TNS3: variants seen among roughly 807,000 people sequenced by gnomAD.
TNS3 encodes the protein tensin 3.
A neutral mutation model predicts 140.9 loss-of-function variants in TNS3; 45 were observed. The ratio of observed to expected loss-of-function variants is 0.32; its 90% CI spans 0.25 to 0.41. The LOEUF is 0.41. TNS3 is among the 10% of genes least tolerant of loss of function. TNS3 has a pLI of 1.00. For synonymous variants in TNS3, 815 were observed against 788.4 expected, an observed-to-expected ratio of 1.03 and a Z score of -0.56; for missense variants, 1,716 against 1,906.7, an observed-to-expected ratio of 0.90 and a Z score of 1.86.
chr7:47,432,164 G>A lies in TNS3; in HGVS notation c.324+3118C>T, dbSNP rs142940636. Among the ~76,000 whole-genome samples, 441 of 152,284 alleles carry A rather than the reference G, an allele frequency of 2.9e-3. 2 individuals are homozygous for A. Among genetic ancestry groups the A allele is most frequent in the African/African-American group, 1.0e-2 (414 of 41,558 alleles). On this transcript the variant is annotated intron_variant, in intron 8 of 30. Coordinates refer to ENST00000311160, the MANE Select transcript of TNS3 (RefSeq NM_022748.12). The stretch of plus-strand genomic sequence containing the variant: ...CATGTTGAAATTTAATCTCCAATGT[G>A]GCAGTATTGAGTGGTGAGGCCTATA...
intron 17 of TNS3, among the ~76,000 whole-genome samples, chr7:47,348,652 AATT>A (rs1474126537): frequency 1.3e-5 from 2 of 152,238 alleles, no homozygotes; most frequent in Admixed American, 6.5e-5. Flanking sequence ...AAATATGTAC[AATT>A]ATTATGTCTC....
intron 23 of TNS3, among the ~76,000 whole-genome samples, chr7:47,298,127 G>T (rs191410734): frequency 2.6e-5 from 4 of 152,284 alleles, no homozygotes; most frequent in African/African-American, 9.6e-5. Context: ...GATAGAAAGG[G>T]CATACCCAAA....
At chr7:47,302,661 T>C (rs770439339) in intron 22 of TNS3, among the ~76,000 whole-genome samples, 1 of 152,236 alleles carries the variant, frequency 6.6e-6, no homozygotes, top group African/African-American at 2.4e-5. Context: ...CAAAAAGCCA[T>C]GTTCCCAAGT....
chr7:47,454,317 G>A (rs1256980429), intron 4 of TNS3, among the ~76,000 whole-genome samples: 1 of 152,222 alleles, frequency 6.6e-6, no homozygotes, highest in Admixed American at 6.5e-5. Context: ...AGTGACGGCA[G>A]GGGGTCAAAA....
chr7:47,527,975 G>A (rs1584816007), intron 2 of TNS3, among the ~76,000 whole-genome samples: 2 of 152,036 alleles, frequency 1.3e-5, no homozygotes, highest in East Asian at 1.9e-4. Context: ...ACTACAGCCC[G>A]TGTTCTCTGC....
chr7:47,310,327 C>T lies in TNS3; in HGVS notation c.2651-5324G>A, dbSNP rs186414361. On this transcript the variant is annotated intron_variant, in intron 20 of 30. Transcript: ENST00000311160. ...TTAGTGGATGCTAAGTAACCAAAAA[C>T]GGCAGTTCAAGATGCACCTAGGAAG... Among the ~76,000 whole-genome samples, 1,073 of 152,198 alleles carry T rather than the reference C, an allele frequency of 7.1e-3. 16 individuals carry two copies. The highest frequency in any genetic ancestry group is 0.021 in the African/African-American group (884 of 41,520).
intron 20 of TNS3, among the ~76,000 whole-genome samples, chr7:47,341,597 T>C (rs770574634): frequency 7.9e-5 from 12 of 152,066 alleles, no homozygotes; most frequent in Admixed American, 2.6e-4. Flanking sequence ...TTCCTAACAA[T>C]AGTAATCTAT....
At chr7:47,292,773 G>T in intron 26 of TNS3, 55 bp downstream of exon 26, 1 of 1,458,490 alleles carries the variant, frequency 6.9e-7, no homozygotes, top group Non-Finnish European at 9.5e-7. Flanking sequence ...TAAAACCGGT[G>T]GCCTTGACTG....
At chr7:47,354,569 G>A (rs901483792) in intron 17 of TNS3, among the ~76,000 whole-genome samples, 5 of 151,626 alleles carry the variant, frequency 3.3e-5, no homozygotes, top group East Asian at 1.9e-4. Flanking sequence ...AGGTGCTGGG[G>A]AAGAGCTGCC....
Position 47,369,989 on chromosome 7 carries a change from GA to G in TNS3, c.1025-369del, listed in dbSNP as rs201350980. 3.0e-3 allele frequency among the ~76,000 whole-genome samples: 459 copies of G among 152,300 alleles called. 5 individuals carry two copies. The highest frequency in any genetic ancestry group is 0.011 in the African/African-American group (442 of 41,570). On this transcript the variant is annotated intron_variant, in intron 16 of 30. Coordinates refer to ENST00000311160, the MANE Select transcript of TNS3 (RefSeq NM_022748.12). ...CTTGGATCATAAATCCCCAAGAATG[GA>G]CTGTTCATCTTAGACAAGAAGAGCT...
At chr7:47,437,210 A>T in intron 7 of TNS3, 53 bp downstream of exon 7, 2 of 1,268,790 alleles carry the variant, frequency 1.6e-6, no homozygotes, top group Non-Finnish European at 2.2e-6. Flanking sequence ...TGCACAAAAT[A>T]AGCATTGTTT....
At chr7:47,375,284 G>A (rs1201037503) in intron 16 of TNS3, among the ~76,000 whole-genome samples, 2 of 152,120 alleles carry the variant, frequency 1.3e-5, no homozygotes, top group African/African-American at 4.8e-5. Flanking sequence ...GTTGCCACCA[G>A]ACCCAGCCAA....
intron 17 of TNS3, among the ~76,000 whole-genome samples, chr7:47,351,533 G>C (rs941719746): frequency 2.0e-5 from 3 of 152,096 alleles, no homozygotes; most frequent in Non-Finnish European, 2.9e-5. Flanking sequence ...CAACTTGAAC[G>C]TGAGACTCCA....
intron 17 of TNS3, among the ~76,000 whole-genome samples, chr7:47,364,805 CCATT>C (rs1427733012): frequency 2.0e-4 from 30 of 152,316 alleles, no homozygotes; most frequent in African/African-American, 7.0e-4. Flanking sequence ...CCTTCAGTGT[CCATT>C]CATCACTGCT....
chr7:47,525,219 C>T (rs1400118262), intron 2 of TNS3, among the ~76,000 whole-genome samples: 1 of 152,148 alleles, frequency 6.6e-6, no homozygotes, highest in Admixed American at 6.5e-5. Context: ...AGGTGACGCT[C>T]TAGGTGTCTC....
chr7:47,322,213 C>CAAAAAAAAAAAAAAAAAA (rs759875153), intron 20 of TNS3, among the ~76,000 whole-genome samples: 1 of 49,938 alleles, frequency 2.0e-5, no homozygotes, highest in African/African-American at 7.8e-5. Context: ...GTAGAACGGG[C>CAAAAAAAAAAAAAAAAAA]AAAAAAAAAA....
At chr7:47,327,156 A>G (rs1359817301) in intron 20 of TNS3, among the ~76,000 whole-genome samples, 1 of 152,228 alleles carries the variant, frequency 6.6e-6, no homozygotes, top group Non-Finnish European at 1.5e-5. Context: ...ACAGAGCCCC[A>G]GCCCCAGTTC....
At chr7:47,553,105 G>A (rs1432586663) in intron 1 of TNS3, among the ~76,000 whole-genome samples, 2 of 152,232 alleles carry the variant, frequency 1.3e-5, no homozygotes, top group Non-Finnish European at 2.9e-5. Flanking sequence ...GTGAGGAAGC[G>A]GCAGGAGAAA....
chr7:47,437,207 A>T, intron 7 of TNS3, 56 bp downstream of exon 7: 3 of 1,260,526 alleles, frequency 2.4e-6, no homozygotes, highest in Non-Finnish European at 3.3e-6. Context: ...TTTTGCACAA[A>T]ATAAGCATTG....
Sources: gnomAD v4.1 joint callset for allele counts (sites outside exome capture counted in the v4.1 genomes callset) on GRCh38, gnomAD v4.1.1 for gene constraint, MANE v1.5 for transcripts, NCBI Gene and HGNC (gene_info 2026-07-23, HGNC 2026-07-21) for gene names.